The following IMMP2L variants were observed in gnomAD, a reference collection of about 807,000 sequenced individuals.
The protein encoded by IMMP2L is inner mitochondrial membrane peptidase subunit 2.
Under a neutral mutation model 19.3 loss-of-function variants are expected in IMMP2L, and 18 were observed. The observed-to-expected ratio is 0.93, with a 90% CI of 0.64 to 1.38. IMMP2L has a LOEUF of 1.38. IMMP2L is among the 40% of genes most tolerant of loss of function. The pLI is 0.00. For missense variants in IMMP2L, 233 were observed against 218.2 expected (o/e 1.07, Z -0.43); for synonymous variants, 76 against 73.0 (o/e 1.04, Z -0.21).
intron 3 of IMMP2L, among the ~76,000 whole-genome samples, chr7:111,306,829 T>C (rs1412083827): frequency 1.3e-5 from 2 of 151,870 alleles, no homozygotes; most frequent in Non-Finnish European, 2.9e-5. Flanking sequence ...AAACTAAGAC[T>C]CTGCTACCCA....
intron 3 of IMMP2L, among the ~76,000 whole-genome samples, chr7:111,038,128 G>C (rs2129570326): frequency 6.6e-6 from 1 of 152,188 alleles, no homozygotes; most frequent in Admixed American, 6.6e-5. Flanking sequence ...TCAATAGTAG[G>C]TACAGCAGCA....
intron 5 of IMMP2L, among the ~76,000 whole-genome samples, chr7:110,833,605 C>G (rs2131396177): frequency 6.6e-6 from 1 of 152,142 alleles, no homozygotes; most frequent in African/African-American, 2.4e-5. Context: ...AATCTTTCAG[C>G]TTTTTCAGAA....
intron 5 of IMMP2L, among the ~76,000 whole-genome samples, chr7:110,825,986 T>A (rs1803454182): frequency 6.6e-6 from 1 of 151,818 alleles, no homozygotes; most frequent in Middle Eastern, 3.2e-3. Context: ...CAAACAAATT[T>A]ACAAGAAAAA....
intron 3 of IMMP2L, among the ~76,000 whole-genome samples, chr7:111,223,773 G>A (rs569089859): frequency 5.8e-4 from 89 of 152,184 alleles, no homozygotes; most frequent in African/African-American, 2.0e-3. Context: ...TATTTATTAA[G>A]TTTAAAAGAA....
chr7:110,831,030 G>A (rs1178922994), intron 5 of IMMP2L, among the ~76,000 whole-genome samples: 1 of 152,140 alleles, frequency 6.6e-6, no homozygotes, highest in African/African-American at 2.4e-5. Context: ...TGGCCCTGGG[G>A]GAGAGTTCAC....
chr7:111,151,259 A>G (rs952935141), intron 3 of IMMP2L, among the ~76,000 whole-genome samples: 2 of 152,186 alleles, frequency 1.3e-5, no homozygotes. Flanking sequence ...CATACAGTTT[A>G]TTTTTCATTC....
intron 3 of IMMP2L, chr7:111,124,126 C>T: frequency 6.2e-7 from 1 of 1,613,998 alleles, no homozygotes; most frequent in Non-Finnish European, 8.5e-7. Context: ...AGAACCACAG[C>T]CTGAAATCTA....
At chr7:111,124,826 A>C in intron 3 of IMMP2L, 1 of 1,612,952 alleles carries the variant, frequency 6.2e-7, no homozygotes, top group Non-Finnish European at 8.5e-7. Flanking sequence ...AATCTCTGGG[A>C]AGCAGGAAAA....
At chr7:111,031,934 A>T (rs1475568352) in intron 3 of IMMP2L, among the ~76,000 whole-genome samples, 7 of 108,072 alleles carry the variant, frequency 6.5e-5, no homozygotes, top group South Asian at 3.4e-4. Flanking sequence ...AACACCAGAG[A>T]TTTTTTTTTT....
chr7:111,488,404 T>C (rs1842825760), intron 2 of IMMP2L, among the ~76,000 whole-genome samples: 1 of 152,182 alleles, frequency 6.6e-6, no homozygotes, highest in Non-Finnish European at 1.5e-5. Context: ...CCTCATAGCT[T>C]AGCTCCCACA....
At chr7:111,461,053 AT>A (rs1840092029) in intron 3 of IMMP2L, among the ~76,000 whole-genome samples, 1 of 152,108 alleles carries the variant, frequency 6.6e-6, no homozygotes, top group South Asian at 2.1e-4. Flanking sequence ...CACTTTAGGT[AT>A]GGTATTCCAT....
At chr7:111,327,058 A>G (rs1825392882) in intron 3 of IMMP2L, among the ~76,000 whole-genome samples, 1 of 151,762 alleles carries the variant, frequency 6.6e-6, no homozygotes. Flanking sequence ...ATCCTGGCAT[A>G]TGGATGGGGA....
At chr7:110,679,245 A>G (rs1323301735) in intron 5 of IMMP2L, among the ~76,000 whole-genome samples, 1 of 152,098 alleles carries the variant, frequency 6.6e-6, no homozygotes, top group Non-Finnish European at 1.5e-5. Context: ...TCTCTTTACC[A>G]CATAATCAAA....
rs140787952 is a variant in IMMP2L at position 110,924,160 on chromosome 7, C to A, written c.306-37465G>T. Among the ~76,000 whole-genome samples the A allele has an allele frequency of 2.7e-3, 406 of 152,300 alleles. 1 individual carries two copies. The highest frequency in any genetic ancestry group is 9.4e-3 in the African/African-American group (390 of 41,568). The stretch of plus-strand genomic sequence containing the variant: ...CACATAGAGCACTGATTCATTTGAA[C>A]AGGCAACCTTTATCAGCATGAAGCC... On this transcript the variant is annotated intron_variant, in intron 4 of 5. Coordinates refer to ENST00000405709, the MANE Select transcript of IMMP2L (RefSeq NM_032549.4). This position sits in a 1 kb window ranked among gnomAD's most constrained non-coding sequence, Gnocchi z 4.2.
At chr7:111,113,386 C>T (rs764492285) in intron 3 of IMMP2L, among the ~76,000 whole-genome samples, 7 of 149,154 alleles carry the variant, frequency 4.7e-5, no homozygotes, top group Middle Eastern at 3.4e-3. Context: ...ATAGAATAGT[C>T]TTTTTTTTTT....
intron 3 of IMMP2L, among the ~76,000 whole-genome samples, chr7:111,087,932 A>T (rs1368838424): frequency 1.3e-5 from 2 of 152,218 alleles, no homozygotes; most frequent in Non-Finnish European, 2.9e-5. Flanking sequence ...TTTAATGTTC[A>T]TAACAATTCT....
chr7:111,419,265 T>C (rs1403892615), intron 3 of IMMP2L, among the ~76,000 whole-genome samples: 1 of 151,886 alleles, frequency 6.6e-6, no homozygotes, highest in Non-Finnish European at 1.5e-5. Context: ...GAACTGAATT[T>C]AGACTTGGAA....
intron 2 of IMMP2L, chr7:111,492,501 C>T (rs986996044): frequency 1.6e-4 from 62 of 387,670 alleles, no homozygotes; most frequent in South Asian, 6.5e-4. Flanking sequence ...CTGATGGGGA[C>T]TCCTCTGTAA....
chr7:111,165,015 A>G (rs1805671957), intron 3 of IMMP2L, among the ~76,000 whole-genome samples: 1 of 152,058 alleles, frequency 6.6e-6, no homozygotes, highest in African/African-American at 2.4e-5. Flanking sequence ...ATTCATATCC[A>G]GAACTTTTTT....
Sources: allele counts gnomAD v4.1 joint callset (sites outside exome capture counted in the v4.1 genomes callset), GRCh38; gene constraint gnomAD v4.1.1; non-coding constraint Gnocchi (gnomAD v3.1); transcripts MANE v1.5; gene names NCBI Gene and HGNC (gene_info 2026-07-23, HGNC 2026-07-21).